The following CBFA2T2 variants were observed in gnomAD, a reference collection of about 807,000 sequenced individuals.
CBFA2T2 encodes protein CBFA2T2.
CBFA2T2 carries 11 observed loss-of-function variants against 62.2 expected under a neutral mutation model. The ratio of observed to expected loss-of-function variants is 0.18; its 90% CI spans 0.11 to 0.29. The LOEUF (loss-of-function observed/expected upper bound fraction) is 0.29. CBFA2T2 is among the 10% of genes least tolerant of loss of function. The pLI is 1.00. For synonymous variants in CBFA2T2, 295 were observed against 287.5 expected (o/e 1.03, Z -0.27); for missense variants, 592 against 774.1 (o/e 0.76, Z 2.79).
chr20:33,576,841 C>T (rs1177585776), intron 1 of CBFA2T2, among the ~76,000 whole-genome samples: 4 of 152,274 alleles, frequency 2.6e-5, no homozygotes, highest in African/African-American at 7.2e-5. Context: ...TGAGTTAAAC[C>T]GTTCCAAGTG....
intron 3 of CBFA2T2, among the ~76,000 whole-genome samples, chr20:33,616,174 CATACATACAT>C (rs568423022): frequency 1.8e-4 from 27 of 152,174 alleles, no homozygotes; most frequent in African/African-American, 5.3e-4. Context: ...GATATAGATA[CATACATACAT>C]ATACATACAT....
At chr20:33,517,281 C>T (rs1272153071) in intron 1 of CBFA2T2, among the ~76,000 whole-genome samples, 1 of 152,126 alleles carries the variant, frequency 6.6e-6, no homozygotes, top group African/African-American at 2.4e-5. Flanking sequence ...TAAGTCCTTT[C>T]TGTTATTCAT....
intron 1 of CBFA2T2, among the ~76,000 whole-genome samples, chr20:33,536,066 C>T (rs961080290): frequency 1.3e-5 from 2 of 152,242 alleles, no homozygotes; most frequent in African/African-American, 4.8e-5. Context: ...CACATGTCTA[C>T]TTCTTTCTAC....
intron 1 of CBFA2T2, among the ~76,000 whole-genome samples, chr20:33,567,733 C>A (rs1358350386): frequency 6.6e-6 from 1 of 152,056 alleles, no homozygotes; most frequent in Non-Finnish European, 1.5e-5. Context: ...CAGGCATGTG[C>A]CACCACGCCC....
chr20:33,490,112 G>GCGA lies in CBFA2T2; in HGVS notation c.-154_-152dup. 1.4e-6 allele frequency: 1 copy of GCGA among 720,762 alleles called. No homozygotes were observed. Among genetic ancestry groups the GCGA allele is most frequent in the Non-Finnish European group, 1.8e-6 (1 of 550,818 alleles). 44.6% of individuals were successfully genotyped at this position (720,762 alleles called of 1,614,324 possible). On this transcript the variant is annotated 5_prime_UTR_variant, in exon 1 of 11. Coordinates refer to ENST00000342704, the MANE Select transcript of CBFA2T2 (RefSeq NM_001032999.3). ...AACGGCGGCGGCGGCGGCGGCGACGGCGACAGCAGCGGTGGTGGTGTCTGG... is the reference window on the plus strand; with the variant it reads ...AACGGCGGCGGCGGCGGCGGCGACGGCGACGACAGCAGCGGTGGTGGTGTCTGG...
intron 1 of CBFA2T2, among the ~76,000 whole-genome samples, chr20:33,526,325 G>C (rs2146865680): frequency 6.6e-6 from 1 of 152,224 alleles, no homozygotes; most frequent in Non-Finnish European, 1.5e-5. Context: ...AAAAAAGAAG[G>C]TGTGTACTGA....
intron 8 of CBFA2T2, among the ~76,000 whole-genome samples, chr20:33,634,053 C>T (rs1037604219): frequency 6.6e-6 from 1 of 152,192 alleles, no homozygotes; most frequent in Admixed American, 6.5e-5. Context: ...ACTGCAACCT[C>T]CGCCTTTTGG....
chr20:33,642,889 T>C (rs933497917), intron 10 of CBFA2T2, among the ~76,000 whole-genome samples: 3 of 152,196 alleles, frequency 2.0e-5, no homozygotes, highest in African/African-American at 7.2e-5. Flanking sequence ...TTTTGAGCAT[T>C]GTGCTTTTAA....
intron 1 of CBFA2T2, among the ~76,000 whole-genome samples, chr20:33,527,368 ATTTTTTTTTTT>A (rs66870528): frequency 4.0e-5 from 3 of 74,460 alleles, no homozygotes; most frequent in African/African-American, 1.4e-4. Flanking sequence ...GGCCCGACTG[ATTTTTTTTTTT>A]TTTTTTTTTT....
intron 1 of CBFA2T2, among the ~76,000 whole-genome samples, chr20:33,490,843 C>G (rs2011141659): frequency 1.3e-5 from 2 of 152,216 alleles, no homozygotes; most frequent in South Asian, 2.1e-4. Flanking sequence ...CCCTCCCTCC[C>G]CCAGGGTTCT....
intron 1 of CBFA2T2, among the ~76,000 whole-genome samples, chr20:33,557,921 C>A (rs1011297707): frequency 1.3e-5 from 2 of 152,028 alleles, no homozygotes; most frequent in Non-Finnish European, 2.9e-5. Context: ...CCGCAACCTC[C>A]GCCTACTGGG....
intron 1 of CBFA2T2, among the ~76,000 whole-genome samples, chr20:33,534,485 G>A (rs2012147566): frequency 1.3e-5 from 2 of 151,950 alleles, no homozygotes; most frequent in Admixed American, 6.6e-5. Context: ...GCTAATTTTT[G>A]TATTTTTAGT....
At chr20:33,588,603 C>G (rs2014480072) in intron 1 of CBFA2T2, among the ~76,000 whole-genome samples, 1 of 151,940 alleles carries the variant, frequency 6.6e-6, no homozygotes, top group Admixed American at 6.6e-5. Context: ...AGCAGTACAC[C>G]CTAACCAAGT....
At chr20:33,542,245 C>T (rs1242645364) in intron 1 of CBFA2T2, among the ~76,000 whole-genome samples, 1 of 152,110 alleles carries the variant, frequency 6.6e-6, no homozygotes. Flanking sequence ...TTTTGCTCTT[C>T]TATTGCCTGA....
intron 1 of CBFA2T2, among the ~76,000 whole-genome samples, chr20:33,509,626 G>C (rs1177802189): frequency 6.6e-6 from 1 of 152,030 alleles, no homozygotes; most frequent in Non-Finnish European, 1.5e-5. Context: ...TCAGGAGTTT[G>C]AGACCAGCCT....
intron 1 of CBFA2T2, among the ~76,000 whole-genome samples, chr20:33,515,750 G>A (rs938655062): frequency 1.5e-4 from 20 of 132,966 alleles, no homozygotes; most frequent in African/African-American, 5.4e-4. Context: ...GCAGTGAGCC[G>A]AGATTGTGCC....
At chr20:33,549,632 G>A (rs1266301981) in intron 1 of CBFA2T2, among the ~76,000 whole-genome samples, 3 of 152,196 alleles carry the variant, frequency 2.0e-5, no homozygotes, top group Non-Finnish European at 4.4e-5. Context: ...TGATGAAAAT[G>A]TTCTAAAATG....
At chr20:33,501,755 G>T (rs1165363486) in intron 1 of CBFA2T2, among the ~76,000 whole-genome samples, 1 of 140,222 alleles carries the variant, frequency 7.1e-6, no homozygotes, top group Non-Finnish European at 1.5e-5. Flanking sequence ...TTCTCCTGCT[G>T]CAGCCTCCTG....
chr20:33,490,102 G>C lies in CBFA2T2; in HGVS notation c.-166G>C. The C allele has an allele frequency of 1.5e-6, 1 of 662,802 alleles. No individual in the cohort carries two copies. Among genetic ancestry groups the C allele is most frequent in the Non-Finnish European group, 2.0e-6 (1 of 506,730 alleles). 41.1% of individuals were successfully genotyped at this position (662,802 alleles called of 1,614,324 possible). A position where few individuals can be genotyped will look rare whatever the true frequency, so the allele number is the denominator to read the frequency against. The stretch of plus-strand genomic sequence containing the variant: ...GGCGCGGCCTAACGGCGGCGGCGGC[G>C]GCGGCGACGGCGACAGCAGCGGTGG... On this transcript the variant is annotated 5_prime_UTR_variant, in exon 1 of 11. Coordinates refer to ENST00000342704, the MANE Select transcript of CBFA2T2 (RefSeq NM_001032999.3).
Sources: allele counts gnomAD v4.1 joint callset (sites outside exome capture counted in the v4.1 genomes callset), GRCh38; gene constraint gnomAD v4.1.1; transcripts MANE v1.5; gene names NCBI Gene and HGNC (gene_info 2026-07-23, HGNC 2026-07-21).